COMMD1: variants seen among roughly 807,000 people sequenced by gnomAD.
COMMD1 encodes the protein copper metabolism domain containing 1.
COMMD1 carries 10 observed loss-of-function variants against 17.2 expected under a neutral mutation model. The observed-to-expected ratio is 0.58, with a 90% CI of 0.36 to 0.99. The LOEUF is 0.99. COMMD1 is among the 50% of genes least tolerant of loss of function. The pLI is 0.01. For missense variants in COMMD1, 270 were observed against 231.8 expected (o/e 1.17, Z -1.07); for synonymous variants, 97 against 91.6 (o/e 1.06, Z -0.34).
intron 2 of COMMD1, among the ~76,000 whole-genome samples, chr2:62,085,644 C>T (rs1386185407): frequency 6.6e-6 from 1 of 152,006 alleles, no homozygotes; most frequent in African/African-American, 2.4e-5. Context: ...TTGAGACCAG[C>T]CTGGGCAATA....
chr2:62,077,253 T>C (rs954475371), intron 2 of COMMD1, among the ~76,000 whole-genome samples: 3 of 152,236 alleles, frequency 2.0e-5, no homozygotes, highest in Non-Finnish European at 1.5e-5. Context: ...AGAAATAGTA[T>C]TTATTGTTCC....
At chr2:61,924,246 C>G (rs1670268200) in intron 1 of COMMD1, among the ~76,000 whole-genome samples, 1 of 152,064 alleles carries the variant, frequency 6.6e-6, no homozygotes. Flanking sequence ...TTTCCTTAGC[C>G]AACTATACAG....
intron 1 of COMMD1, among the ~76,000 whole-genome samples, chr2:61,893,245 C>G (rs969977174): frequency 6.6e-6 from 1 of 151,818 alleles, no homozygotes; most frequent in Non-Finnish European, 1.5e-5. Context: ...TTTTGATTTT[C>G]CTAATTTTCC....
At chr2:62,006,171 A>AC (rs1669110113) in intron 2 of COMMD1, among the ~76,000 whole-genome samples, 1 of 123,700 alleles carries the variant, frequency 8.1e-6, no homozygotes, top group Non-Finnish European at 1.6e-5. Context: ...CAGGAAGGGG[A>AC]ACATCATACT....
Position 61,890,426 on chromosome 2 carries a change from A to T in COMMD1, n.119+1584A>T, listed in dbSNP as rs544429944. On this transcript the variant is annotated intron_variant and non_coding_transcript_variant, in intron 1 of 2. Coordinates refer to the COMMD1 transcript ENST00000472729. ...TAGAGACGGGGTTTCTCCATGTTGG[A>T]CAGGGTGGTTTCGAACTCCCGAGCT... Among the ~76,000 whole-genome samples, 16 of 152,144 alleles carry T rather than the reference A, an allele frequency of 1.1e-4. No individual in the cohort carries two copies. In the East Asian group the frequency reaches 2.3e-3, roughly 22 times the overall value.
chr2:62,089,998 T>A (rs2103996000), intron 2 of COMMD1, among the ~76,000 whole-genome samples: 3 of 148,458 alleles, frequency 2.0e-5, no homozygotes, highest in Middle Eastern at 3.5e-3. Context: ...TTTAAATACC[T>A]GTGATTTGGA....
chr2:62,007,791 A>T (rs1471597967), intron 2 of COMMD1, among the ~76,000 whole-genome samples: 1 of 152,220 alleles, frequency 6.6e-6, no homozygotes, highest in Non-Finnish European at 1.5e-5. Context: ...CTCAGAAGGT[A>T]TCCTCATCGT....
chr2:62,049,695 C>T (rs956824210), intron 2 of COMMD1, among the ~76,000 whole-genome samples: 1 of 152,146 alleles, frequency 6.6e-6, no homozygotes, highest in African/African-American at 2.4e-5. Context: ...TATTCCAGTA[C>T]TGCAATATCG....
chr2:62,074,003 A>C (rs1292602449), intron 2 of COMMD1, among the ~76,000 whole-genome samples: 1 of 152,146 alleles, frequency 6.6e-6, no homozygotes, highest in Non-Finnish European at 1.5e-5. Flanking sequence ...AGCTAGAATA[A>C]ACATCTTCAA....
chr2:61,979,275 G>A (rs1274356984), intron 1 of COMMD1, among the ~76,000 whole-genome samples: 4 of 152,026 alleles, frequency 2.6e-5, no homozygotes, highest in South Asian at 2.1e-4. Flanking sequence ...TCAGGGGTTC[G>A]AGATCAGCCT....
Position 61,905,678 on chromosome 2 carries a change from C to A in COMMD1, c.-1C>A. Reference sequence around the variant, plus strand: ...GTTGCGGGGCGGGGCCTTCGCAGAGCATGGCGGCGGGCGAGCTTGAGGGTG... The same window carrying A: ...GTTGCGGGGCGGGGCCTTCGCAGAGAATGGCGGCGGGCGAGCTTGAGGGTG... On this transcript the variant is annotated 5_prime_UTR_variant, in exon 1 of 3. Coordinates refer to ENST00000311832, the MANE Select transcript of COMMD1 (RefSeq NM_152516.4). 2 of 1,555,956 alleles carry A rather than the reference C, an allele frequency of 1.3e-6. No homozygotes were observed. Among genetic ancestry groups the A allele is most frequent in the South Asian group, 2.3e-5 (2 of 85,776 alleles).
rs566578311 is a variant in COMMD1, at chr2:61,931,183, G to A, written c.180+25325G>A. Among the ~76,000 whole-genome samples the A allele has an allele frequency of 3.9e-5, 6 of 152,108 alleles. No homozygotes were observed. The South Asian group carries it at 1.2e-3, about 32-fold the overall frequency. On this transcript the variant is annotated intron_variant, in intron 1 of 2. Transcript: ENST00000311832. ...AAAAATTAGCCGGGTGTGGTGGTGC[G>A]TGCCTGTAGTCCTAGCTACTCAGGA...
intron 2 of COMMD1, among the ~76,000 whole-genome samples, chr2:62,094,045 C>A (rs1222445979): frequency 1.3e-5 from 2 of 152,166 alleles, no homozygotes; most frequent in Non-Finnish European, 2.9e-5. Context: ...TAAATAAGAA[C>A]CATCCGTGAA....
intron 1 of COMMD1, among the ~76,000 whole-genome samples, chr2:61,930,764 G>A (rs1292985319): frequency 1.3e-5 from 2 of 151,448 alleles, no homozygotes; most frequent in Non-Finnish European, 2.9e-5. Context: ...TAGTTGGAAG[G>A]TTGCTTGATA....
chr2:62,065,597 G>A (rs932697035), intron 2 of COMMD1, among the ~76,000 whole-genome samples: 2 of 151,956 alleles, frequency 1.3e-5, no homozygotes, highest in African/African-American at 2.4e-5. Flanking sequence ...TGGGATTACA[G>A]GCATGAGCCA....
intron 1 of COMMD1, among the ~76,000 whole-genome samples, chr2:61,889,202 CTTT>C (rs34949326): frequency 3.1e-4 from 17 of 54,784 alleles, no homozygotes; most frequent in Non-Finnish European, 4.3e-4. Flanking sequence ...GAAGCCCGGC[CTTT>C]TTTTTTTTTT....
At chr2:62,069,086 T>A (rs1217643624) in intron 2 of COMMD1, among the ~76,000 whole-genome samples, 1 of 152,240 alleles carries the variant, frequency 6.6e-6, no homozygotes, top group East Asian at 1.9e-4. Flanking sequence ...CTTTGCTTTG[T>A]ATAACAAAGG....
intron 1 of COMMD1, among the ~76,000 whole-genome samples, chr2:61,890,033 G>A (rs1669387235): frequency 6.6e-6 from 1 of 152,210 alleles, no homozygotes; most frequent in African/African-American, 2.4e-5. Flanking sequence ...GAAGCCATGA[G>A]CTAAACTGCT....
intron 1 of COMMD1, among the ~76,000 whole-genome samples, chr2:61,972,890 C>A (rs1265651940): frequency 6.6e-6 from 1 of 152,060 alleles, no homozygotes; most frequent in Non-Finnish European, 1.5e-5. Context: ...AGGCTGGTCC[C>A]AAACTCCTAA....
Sources: allele counts gnomAD v4.1 joint callset (sites outside exome capture counted in the v4.1 genomes callset), GRCh38; gene constraint gnomAD v4.1.1; transcripts MANE v1.5; gene names NCBI Gene and HGNC (gene_info 2026-07-23, HGNC 2026-07-21).